Variants in CCDC141 observed in about 807,000 individuals in gnomAD.
CCDC141 encodes coiled-coil domain-containing protein 141.
A neutral mutation model predicts 181.0 loss-of-function variants in CCDC141; 168 were observed. The observed-to-expected ratio is 0.93, with a 90% CI of 0.82 to 1.05. The LOEUF (loss-of-function observed/expected upper bound fraction) is 1.05, where lower values mean the gene tolerates loss of function less well. Among genes scored for constraint, CCDC141 ranks in the 50% least tolerant of loss-of-function variants. The probability of loss-of-function intolerance (pLI) is 0.00; values close to 1 mark genes in which losing one functional copy is unlikely to be tolerated. For missense variants in CCDC141, 1,902 were observed against 1,788.5 expected (o/e 1.06, Z -1.14); for synonymous variants, 666 against 642.3 (o/e 1.04, Z -0.56).
intron 2 of CCDC141, among the ~76,000 whole-genome samples, chr2:178,979,746 G>T (rs113496986): frequency 6.6e-6 from 1 of 152,090 alleles, no homozygotes; most frequent in East Asian, 1.9e-4. Flanking sequence ...GATAAATAGT[G>T]CAATCCACAG....
At chr2:178,903,155 C>G (rs60930189) in intron 8 of CCDC141, among the ~76,000 whole-genome samples, 39,924 of 127,430 alleles carry the variant, frequency 0.31, 6,368 homozygotes, top group Non-Finnish European at 0.41. Flanking sequence ...TTACACTGTT[C>G]GTGGGACTGT....
intron 17 of CCDC141, 52 bp downstream of exon 17, chr2:178,865,715 G>T: frequency 2.8e-6 from 4 of 1,407,666 alleles, no homozygotes; most frequent in Non-Finnish European, 3.7e-6. Context: ...ACATGCTTTA[G>T]GTTCAAACAG....
intron 2 of CCDC141, among the ~76,000 whole-genome samples, chr2:179,001,403 G>A (rs2041972058): frequency 6.6e-6 from 1 of 152,112 alleles, no homozygotes; most frequent in South Asian, 2.1e-4. Flanking sequence ...ACCAACACCA[G>A]AGATAATCTA....
At chr2:178,881,166 G>T (rs1686587400) in intron 11 of CCDC141, among the ~76,000 whole-genome samples, 1 of 151,692 alleles carries the variant, frequency 6.6e-6, no homozygotes, top group African/African-American at 2.4e-5. Context: ...AACAGACAAA[G>T]AAGTAGACAG....
chr2:178,999,026 G>A (rs1692409664), intron 2 of CCDC141, among the ~76,000 whole-genome samples: 1 of 152,116 alleles, frequency 6.6e-6, no homozygotes, highest in South Asian at 2.1e-4. Flanking sequence ...CAATAGGAAT[G>A]GTGGAGAAAG....
intron 4 of CCDC141, among the ~76,000 whole-genome samples, chr2:178,967,827 C>T (rs895156186): frequency 6.6e-5 from 10 of 152,060 alleles, no homozygotes; most frequent in African/African-American, 2.2e-4. Context: ...CATTAGAGTG[C>T]TGTATTCAGG....
At chr2:178,858,138 C>T (rs939426981) in intron 17 of CCDC141, among the ~76,000 whole-genome samples, 15 of 152,068 alleles carry the variant, frequency 9.9e-5, no homozygotes, top group Admixed American at 4.6e-4. Context: ...ACCGCATGAA[C>T]CACTTTAACT....
rs1410354928 is a variant in CCDC141, at chr2:178,978,627, C to T, written c.274G>A (p.Ala92Thr). 6.5e-6 allele frequency: 10 copies of T among 1,547,658 alleles called. No homozygotes were observed. The East Asian group carries it at 2.5e-4, about 38-fold the overall frequency. Residue 92 changes from alanine to threonine, a missense_variant, in exon 3 of 24, where the codon GCT becomes ACT. Ala to Thr is a moderately conservative substitution (Grantham distance 58). Coordinates refer to ENST00000443758, the MANE Select transcript of CCDC141 (RefSeq NM_173648.4). Reference sequence around the variant, plus strand: ...TGACTCTGATCCTTGTTCTCTTCAGCTGTCTTGTCTGCTTCCTGCAAGAGT... The same window carrying T: ...TGACTCTGATCCTTGTTCTCTTCAGTTGTCTTGTCTGCTTCCTGCAAGAGT... The part of the protein sequence containing the change: ...WELLQEADKT[A>T]EENKDQSQVY...
At chr2:179,047,866 T>A (rs76623924) in intron 1 of CCDC141, among the ~76,000 whole-genome samples, 6,822 of 152,302 alleles carry the variant, frequency 0.045, 169 homozygotes, top group African/African-American at 0.063. Context: ...CTGATTAGTG[T>A]CTTTACATTG....
chr2:178,829,211 A>G (rs1243706321), downstream of CCDC141, among the ~76,000 whole-genome samples: 1 of 152,218 alleles, frequency 6.6e-6, no homozygotes, highest in Non-Finnish European at 1.5e-5. Flanking sequence ...GGGAATACAC[A>G]CACATTCTTG....
rs1189167167 is a variant in CCDC141 at position 178,869,252 on chromosome 2, G to A, written c.2259C>T (p.Gly753=). 2 of 1,613,252 alleles carry A rather than the reference G, an allele frequency of 1.2e-6. No individual in the cohort carries two copies. Among genetic ancestry groups the A allele is most frequent in the Non-Finnish European group, 1.7e-6 (2 of 1,179,662 alleles). The change falls in exon 15 of 24, where the codon GGC becomes GGT. Residue 753 remains glycine (G), a synonymous_variant. Coordinates refer to ENST00000443758, the MANE Select transcript of CCDC141 (RefSeq NM_173648.4). ...YIMKESEELT[G]RGAPVKEKSQ... is the part of the protein sequence containing the mutation. Reference sequence around the variant, plus strand: ...ACTTTTCTTTTACAGGGGCTCCTCTGCCAGTTAACTCCTCTGATTCTTTCA... The same window carrying A: ...ACTTTTCTTTTACAGGGGCTCCTCTACCAGTTAACTCCTCTGATTCTTTCA...
At chr2:178,959,371 G>C (rs980028159) in intron 5 of CCDC141, among the ~76,000 whole-genome samples, 1 of 152,042 alleles carries the variant, frequency 6.6e-6, no homozygotes, top group Non-Finnish European at 1.5e-5. Flanking sequence ...GTTCCTTTAA[G>C]GGGATAGCAG....
At position 178,905,379 on chromosome 2, in the gene CCDC141, A is replaced by C; in HGVS notation, c.1215T>G (p.Thr405=). The change falls in exon 8 of 24, where the codon ACT becomes ACG. Residue 405 remains threonine, a synonymous_variant. Coordinates refer to ENST00000443758, the MANE Select transcript of CCDC141 (RefSeq NM_173648.4). Reference sequence around the variant, plus strand: ...AGGTTTGTCCCTTTTGCAAAGCATCAGTTGTGCAGTCTTTAATTTTTCTGT... The same window carrying C: ...AGGTTTGTCCCTTTTGCAAAGCATCCGTTGTGCAGTCTTTAATTTTTCTGT... ...ELHRKIKDCT[T]DALQKGQTLI... The C allele has an allele frequency of 6.4e-7, 1 of 1,550,500 alleles. No individual in the cohort carries two copies. Among genetic ancestry groups the C allele is most frequent in the Non-Finnish European group, 8.7e-7 (1 of 1,146,870 alleles).
the CCDC141 span, chr2:178,817,440 C>T: frequency 6.4e-6 from 3 of 465,864 alleles, no homozygotes; most frequent in East Asian, 2.1e-4. Context: ...GACTCATGCT[C>T]TTTTTCTGTG....
chr2:178,980,385 GC>G (rs1691320280), intron 2 of CCDC141, among the ~76,000 whole-genome samples: 1 of 152,124 alleles, frequency 6.6e-6, no homozygotes, highest in Non-Finnish European at 1.5e-5. Flanking sequence ...AGGAGGTGGA[GC>G]TTGCAGTGAG....
chr2:178,969,321 G>C (rs1043653794), intron 4 of CCDC141, among the ~76,000 whole-genome samples: 2 of 151,810 alleles, frequency 1.3e-5, no homozygotes, highest in Admixed American at 1.3e-4. Flanking sequence ...TTTTCTTTTA[G>C]AGCCCACAAA....
intron 7 of CCDC141, among the ~76,000 whole-genome samples, chr2:178,909,711 A>G (rs1256380170): frequency 3.3e-5 from 5 of 152,178 alleles, no homozygotes; most frequent in Non-Finnish European, 7.4e-5. Context: ...CCATACCCAT[A>G]AAGAACCTGA....
intron 4 of CCDC141, 95 bp downstream of exon 4, chr2:178,974,962 A>G: frequency 1.8e-6 from 1 of 549,900 alleles, no homozygotes; most frequent in Non-Finnish European, 3.1e-6. Flanking sequence ...ACATAAATAG[A>G]TCAATTTAAA....
chr2:178,990,909 A>T (rs1044709596), intron 2 of CCDC141, among the ~76,000 whole-genome samples: 1 of 152,144 alleles, frequency 6.6e-6, no homozygotes, highest in South Asian at 2.1e-4. Flanking sequence ...AAAGGTGATC[A>T]TATGAATTGG....
Sources: gnomAD v4.1 joint callset for allele counts (sites outside exome capture counted in the v4.1 genomes callset) on GRCh38, gnomAD v4.1.1 for gene constraint, MANE v1.5 for transcripts, NCBI Gene and HGNC (gene_info 2026-07-23, HGNC 2026-07-21) for gene names.